SFI1: variants seen among roughly 807,000 people sequenced by gnomAD.
SFI1 encodes the protein protein SFI1 homolog.
SFI1 carries 195 observed loss-of-function variants against 207.5 expected under a neutral mutation model. The observed-to-expected ratio is 0.94, with a 90% CI of 0.84 to 1.06. SFI1 has a LOEUF of 1.06. Ranked by LOEUF, SFI1 falls within the 50% of genes least tolerant of loss-of-function variation. SFI1 has a pLI of 0.00. For missense variants in SFI1, 1,634 were observed against 1,588.0 expected (o/e 1.03, Z -0.49); for synonymous variants, 630 against 598.9 (o/e 1.05, Z -0.76).
intron 8 of SFI1, among the ~76,000 whole-genome samples, chr22:31,563,331 A>C (rs890611708): frequency 6.6e-6 from 1 of 151,974 alleles, no homozygotes; most frequent in Non-Finnish European, 1.5e-5. Flanking sequence ...ATTGTGCTGA[A>C]TAGACTTGTA....
chr22:31,573,034 T>C (rs2063115538), intron 8 of SFI1, 24 bp from the exon 9 acceptor site: 2 of 1,611,328 alleles, frequency 1.2e-6, no homozygotes, highest in Non-Finnish European at 8.5e-7. Context: ...CTCCTTTGAC[T>C]GTTGCCTCTT....
At chr22:31,586,147 G>A (rs1443791955) in intron 14 of SFI1, among the ~76,000 whole-genome samples, 1 of 152,034 alleles carries the variant, frequency 6.6e-6, no homozygotes, top group Non-Finnish European at 1.5e-5. Context: ...AGCTGCCAGT[G>A]GTTCCCTAAA....
chr22:31,509,260 A>C (rs2055133413), intron 2 of SFI1, among the ~76,000 whole-genome samples: 1 of 152,188 alleles, frequency 6.6e-6, no homozygotes, highest in Non-Finnish European at 1.5e-5. Context: ...ACACAATCAC[A>C]AGGTGAAGTC....
intron 2 of SFI1, among the ~76,000 whole-genome samples, chr22:31,523,056 T>C (rs955499946): frequency 1.3e-5 from 2 of 152,240 alleles, no homozygotes; most frequent in Non-Finnish European, 2.9e-5. Flanking sequence ...ACCTTTTGGC[T>C]ATTGTGAATT....
intron 2 of SFI1, among the ~76,000 whole-genome samples, chr22:31,525,459 G>T (rs1569214464): frequency 6.6e-6 from 1 of 152,078 alleles, no homozygotes. Context: ...TGGGTGCGAT[G>T]GGTCACACCT....
chr22:31,498,968 A>T (rs1440982929), intron 1 of SFI1, among the ~76,000 whole-genome samples: 1 of 151,288 alleles, frequency 6.6e-6, no homozygotes, highest in African/African-American at 2.4e-5. Flanking sequence ...CGGCCTCCCA[A>T]AGTGCTGGGA....
intron 4 of SFI1, among the ~76,000 whole-genome samples, chr22:31,546,411 A>G (rs1297581510): frequency 1.3e-5 from 2 of 151,512 alleles, no homozygotes; most frequent in Non-Finnish European, 2.9e-5. Context: ...GCTCACTGCA[A>G]CCTCTGCCTC....
chr22:31,571,563 C>T (rs1283447966), intron 8 of SFI1, among the ~76,000 whole-genome samples: 1 of 151,982 alleles, frequency 6.6e-6, no homozygotes, highest in Admixed American at 6.6e-5. Context: ...AATCCTCCTG[C>T]CTTGGGCTCC....
intron 12 of SFI1, among the ~76,000 whole-genome samples, chr22:31,583,652 T>C (rs1046068046): frequency 6.6e-6 from 1 of 152,226 alleles, no homozygotes; most frequent in Admixed American, 6.5e-5. Flanking sequence ...AATAGCTTCT[T>C]CATCTAATTT....
chr22:31,568,025 GA>G (rs1407769312), intron 8 of SFI1, among the ~76,000 whole-genome samples: 1 of 152,062 alleles, frequency 6.6e-6, no homozygotes, highest in African/African-American at 2.4e-5. Context: ...TACATTGTAA[GA>G]TAAAGCAAAT....
chr22:31,529,111 G>T, intron 3 of SFI1: 1 of 402,760 alleles, frequency 2.5e-6, no homozygotes, highest in Non-Finnish European at 4.4e-6. Context: ...TCCAGAAAAA[G>T]TCTAAACGTG....
intron 8 of SFI1, among the ~76,000 whole-genome samples, chr22:31,570,620 G>A (rs1040164316): frequency 4.6e-5 from 7 of 152,328 alleles, no homozygotes; most frequent in African/African-American, 1.7e-4. Context: ...ACTAGAGTGA[G>A]CGGGGTGCGG....
intron 5 of SFI1, 77 bp from the exon 6 acceptor site, chr22:31,550,177 C>G (rs2060494674): frequency 9.1e-7 from 1 of 1,104,158 alleles, no homozygotes; most frequent in Non-Finnish European, 1.4e-6. Flanking sequence ...TCCCAAAGTG[C>G]TAGGGTTACA....
Position 31,535,336 on chromosome 22 carries a change from C to G in SFI1, c.338+4207C>G, listed in dbSNP as rs773009976. ...TCCCAAATAGCTGGGATTACAGATG[C>G]GTGCTACCACACCCAGCTAGTTTTT... is the stretch of plus-strand genomic sequence containing the variant. On this transcript the variant is annotated intron_variant, in intron 4 of 32. Coordinates refer to ENST00000400288, the MANE Select transcript of SFI1 (RefSeq NM_001007467.3). Among the ~76,000 whole-genome samples, 5 of 150,632 alleles carry G rather than the reference C, an allele frequency of 3.3e-5. No homozygotes were observed. The Admixed American group carries it at 3.3e-4, about 10-fold the overall frequency.
At chr22:31,545,828 C>T (rs1602462582) in intron 4 of SFI1, among the ~76,000 whole-genome samples, 1 of 149,506 alleles carries the variant, frequency 6.7e-6, no homozygotes, top group African/African-American at 2.5e-5. Flanking sequence ...ATCCACCTGC[C>T]TCGGCCTCCC....
intron 2 of SFI1, among the ~76,000 whole-genome samples, chr22:31,511,615 A>G (rs534988983): frequency 6.6e-6 from 1 of 151,738 alleles, no homozygotes; most frequent in Admixed American, 6.6e-5. Flanking sequence ...CTGCTGCTTT[A>G]GGCTGGGGAG....
intron 3 of SFI1, among the ~76,000 whole-genome samples, chr22:31,529,506 A>G (rs1454889421): frequency 6.6e-6 from 1 of 152,124 alleles, no homozygotes; most frequent in East Asian, 1.9e-4. Flanking sequence ...AGCCTGGGCG[A>G]GAGTGAGACT....
At chr22:31,567,766 G>C (rs1226996011) in intron 8 of SFI1, among the ~76,000 whole-genome samples, 5 of 152,124 alleles carry the variant, frequency 3.3e-5, no homozygotes, top group Non-Finnish European at 5.9e-5. Context: ...TACAAAGCAA[G>C]AGTAAATAAA....
At chr22:31,598,941 A>G (rs1271187579) in intron 15 of SFI1, among the ~76,000 whole-genome samples, 2 of 147,234 alleles carry the variant, frequency 1.4e-5, no homozygotes, top group Non-Finnish European at 1.5e-5. Context: ...TTACAAGCGC[A>G]CACCACCACG....
Sources: gnomAD v4.1 joint callset for allele counts (sites outside exome capture counted in the v4.1 genomes callset) on GRCh38, gnomAD v4.1.1 for gene constraint, MANE v1.5 for transcripts, NCBI Gene and HGNC (gene_info 2026-07-23, HGNC 2026-07-21) for gene names.